EBF3: variants seen among roughly 807,000 people sequenced by gnomAD.
The protein encoded by EBF3 is EBF transcription factor 3.
A neutral mutation model predicts 77.1 loss-of-function variants in EBF3; 18 were observed. That is an observed-to-expected ratio of 0.23 (90% CI 0.16 to 0.35). The LOEUF is 0.35. EBF3 is among the 10% of genes least tolerant of loss of function. EBF3 has a pLI of 1.00. For synonymous variants in EBF3, 350 were observed against 343.5 expected (o/e 1.02, Z -0.21); for missense variants, 558 against 860.0 (o/e 0.65, Z 4.39).
chr10:129,858,933 G>A (rs1269983601), intron 10 of EBF3, among the ~76,000 whole-genome samples: 1 of 152,224 alleles, frequency 6.6e-6, no homozygotes, highest in Non-Finnish European at 1.5e-5. Context: ...AAGATGATTT[G>A]CACCAATGCT....
rs896285665 is a variant in EBF3 at position 129,935,408 on chromosome 10, C to T, written c.554+21850G>A. 2.0e-5 allele frequency among the ~76,000 whole-genome samples: 3 copies of T among 152,182 alleles called. No individual in the cohort carries two copies. The highest frequency in any genetic ancestry group is 4.4e-5 in the Non-Finnish European group (3 of 68,030). On this transcript the variant is annotated intron_variant, in intron 6 of 16. Transcript: ENST00000440978. The surrounding 1 kb of genome is among the most constrained non-coding windows in gnomAD (Gnocchi z 4.2). ...CTGGCTCCAGCAGAAGGACCCAGTGCCATCATTCTGACCTTCCTTCTGTGC... is the reference window on the plus strand; with the variant it reads ...CTGGCTCCAGCAGAAGGACCCAGTGTCATCATTCTGACCTTCCTTCTGTGC...
intron 6 of EBF3, among the ~76,000 whole-genome samples, chr10:129,931,759 T>C (rs1339683752): frequency 6.6e-6 from 1 of 152,252 alleles, no homozygotes; most frequent in South Asian, 2.1e-4. Flanking sequence ...CTTAAACTGT[T>C]GCTATCATGA....
chr10:129,951,058 A>C (rs1386815199), intron 6 of EBF3, among the ~76,000 whole-genome samples: 1 of 152,166 alleles, frequency 6.6e-6, no homozygotes, highest in Non-Finnish European at 1.5e-5. Context: ...GTAACCAACA[A>C]TTACAGCATC....
intron 6 of EBF3, among the ~76,000 whole-genome samples, chr10:129,948,893 A>G (rs1264301018): frequency 6.6e-6 from 1 of 152,186 alleles, no homozygotes; most frequent in East Asian, 1.9e-4. Flanking sequence ...CATTCTGCAG[A>G]GCCGGACGTG....
rs997826207 is a variant in EBF3 at position 129,835,762 on chromosome 10, C to A, written c.*2181G>T. 4 of 152,254 alleles carry A rather than the reference C, an allele frequency of 2.6e-5. No individual in the cohort carries two copies. The highest frequency in any genetic ancestry group is 4.4e-5 in the Non-Finnish European group (3 of 68,032). The allele number at this position is 152,254 out of a possible 1,614,324, so 9.4% of individuals were successfully genotyped here. A position where few individuals can be genotyped will look rare whatever the true frequency, so the allele number is the denominator to read the frequency against. ...GTCAAGAAGGTATTTTAAAGTCCCTCCTTTTTGTTTTAAATTCGATTTCTG... is the reference window on the plus strand; with the variant it reads ...GTCAAGAAGGTATTTTAAAGTCCCTACTTTTTGTTTTAAATTCGATTTCTG... On this transcript the variant is annotated 3_prime_UTR_variant, in exon 17 of 17. Coordinates refer to ENST00000440978, the MANE Select transcript of EBF3 (RefSeq NM_001375380.1).
chr10:129,923,940 C>T, intron 6 of EBF3, among the ~76,000 whole-genome samples: 1 of 152,308 alleles, frequency 6.6e-6, no homozygotes, highest in South Asian at 2.1e-4. Flanking sequence ...TAAACCTCAA[C>T]ACCAACGAAA....
rs745526306 is a variant in EBF3 at position 129,962,932 on chromosome 10, A to G, written c.355+10T>C. ...GCTGCAGGGGCGGCGAGCACGCAGC[A>G]GGCACTTACCGTTGCTGTACAATAA... is the stretch of plus-strand genomic sequence containing the variant. On this transcript the variant is annotated intron_variant, in intron 3 of 16. Coordinates refer to ENST00000440978, the MANE Select transcript of EBF3 (RefSeq NM_001375380.1). 6.2e-7 allele frequency: 1 copy of G among 1,613,922 alleles called. No individual in the cohort carries two copies. Among genetic ancestry groups the G allele is most frequent in the East Asian group, 2.2e-5 (1 of 44,806 alleles).
Position 129,963,614 on chromosome 10 carries a change from G to T in EBF3, c.134+21C>A. 1.5e-6 allele frequency: 2 copies of T among 1,328,668 alleles called. No individual in the cohort carries two copies. The highest frequency in any genetic ancestry group is 9.8e-7 in the Non-Finnish European group (1 of 1,022,932). 82.3% of individuals were successfully genotyped at this position (1,328,668 alleles called of 1,614,324 possible). A position where few individuals can be genotyped will look rare whatever the true frequency, so the allele number is the denominator to read the frequency against. On this transcript the variant is annotated intron_variant, in intron 1 of 16. Coordinates refer to ENST00000440978, the MANE Select transcript of EBF3 (RefSeq NM_001375380.1). The surrounding 1 kb of genome is among the most constrained non-coding windows in gnomAD (Gnocchi z 7.1). ...CGGGCCGGGGCCGGGGCCAGGGCGC[G>T]CGGGGGCGGCCGGTACGTACCTCTG... is the stretch of plus-strand genomic sequence containing the variant.
intron 15 of EBF3, among the ~76,000 whole-genome samples, chr10:129,839,797 T>C (rs975731078): frequency 6.6e-6 from 1 of 152,212 alleles, no homozygotes; most frequent in Admixed American, 6.5e-5. Context: ...GCCAGGGCTA[T>C]TTTCGCTGCT....
intron 10 of EBF3, among the ~76,000 whole-genome samples, chr10:129,853,165 G>C (rs915821108): frequency 3.9e-5 from 6 of 152,210 alleles, no homozygotes; most frequent in Non-Finnish European, 7.3e-5. Flanking sequence ...AGCCACAGTT[G>C]TGTTTTTAAA....
Position 129,837,728 on chromosome 10 carries a change from T to A in EBF3, c.*215A>T. The A allele has an allele frequency of 1.7e-6, 1 of 586,606 alleles. No homozygotes were observed. The highest frequency in any genetic ancestry group is 3.2e-5 in the Admixed American group (1 of 31,436). 36.3% of individuals were successfully genotyped at this position (586,606 alleles called of 1,614,324 possible). On this transcript the variant is annotated 3_prime_UTR_variant, in exon 17 of 17. Transcript: ENST00000440978. The stretch of plus-strand genomic sequence containing the variant: ...GAAAAGTTCAGTCAATAAAATGGAA[T>A]TGTTCATGAAGAAGTAGGCTGTTTG...
At chr10:129,887,875 C>A (rs1853719433) in intron 6 of EBF3, among the ~76,000 whole-genome samples, 1 of 152,110 alleles carries the variant, frequency 6.6e-6, no homozygotes, top group Admixed American at 6.5e-5. Context: ...AAGAGGCAAA[C>A]AAAATCAGCT....
intron 8 of EBF3, among the ~76,000 whole-genome samples, chr10:129,869,833 A>G (rs1410514034): frequency 6.6e-6 from 1 of 152,204 alleles, no homozygotes; most frequent in African/African-American, 2.4e-5. Flanking sequence ...CTTCATGCTA[A>G]TAAGTTCATA....
rs918149508 is a variant in EBF3 at position 129,950,165 on chromosome 10, G to A, written c.554+7093C>T. Among the ~76,000 whole-genome samples, 8 of 152,130 alleles carry A rather than the reference G, an allele frequency of 5.3e-5. 1 individual carries two copies. The highest frequency in any genetic ancestry group is 1.9e-4 in the African/African-American group (8 of 41,434). The stretch of plus-strand genomic sequence containing the variant: ...GCTGGAGCCGACTCCTTCCGTTCGC[G>A]GGGCCTGGGCTCCATGTCCTACAAC... On this transcript the variant is annotated intron_variant, in intron 6 of 16. Transcript: ENST00000440978.
chr10:129,866,924 C>A lies in EBF3; in HGVS notation c.1039+217G>T, dbSNP rs137925756. Reference sequence around the variant, plus strand: ...AGGGAGAGAGGTACCGAAGGTCACACAGCCACGGGGGCTGCCCCATCCACG... The same window carrying A: ...AGGGAGAGAGGTACCGAAGGTCACAAAGCCACGGGGGCTGCCCCATCCACG... On this transcript the variant is annotated intron_variant, in intron 10 of 16. Transcript: ENST00000440978. Among the ~76,000 whole-genome samples, 287 of 152,366 alleles carry A rather than the reference C, an allele frequency of 1.9e-3. 2 individuals carry two copies. The highest frequency in any genetic ancestry group is 6.4e-3 in the African/African-American group (266 of 41,590).
At chr10:129,858,074 G>A (rs552291218) in intron 10 of EBF3, among the ~76,000 whole-genome samples, 3 of 152,296 alleles carry the variant, frequency 2.0e-5, no homozygotes, top group African/African-American at 4.8e-5. Flanking sequence ...CACGGGGCTC[G>A]GGCACGTGGC....
intron 6 of EBF3, among the ~76,000 whole-genome samples, chr10:129,882,567 G>C (rs1033940794): frequency 5.3e-5 from 8 of 152,208 alleles, no homozygotes; most frequent in African/African-American, 1.9e-4. Context: ...GCAATATTAG[G>C]GCCAATAAAG....
chr10:129,921,337 T>C (rs896600480), intron 6 of EBF3, among the ~76,000 whole-genome samples: 5 of 152,020 alleles, frequency 3.3e-5, no homozygotes, highest in Admixed American at 3.3e-4. Flanking sequence ...TTGCCTGGAA[T>C]AAACCCTCCC....
At chr10:129,918,788 G>A (rs1856069454) in intron 6 of EBF3, among the ~76,000 whole-genome samples, 1 of 152,230 alleles carries the variant, frequency 6.6e-6, no homozygotes, top group East Asian at 1.9e-4. Context: ...ACAACGGCAG[G>A]GGTGGAATCA....
Sources: gnomAD v4.1 joint callset for allele counts (sites outside exome capture counted in the v4.1 genomes callset) on GRCh38, gnomAD v4.1.1 for gene constraint, Gnocchi (gnomAD v3.1) non-coding constraint, MANE v1.5 for transcripts, NCBI Gene and HGNC (gene_info 2026-07-23, HGNC 2026-07-21) for gene names.